The following ZHX2 variants were observed in gnomAD, a reference collection of about 807,000 sequenced individuals.
ZHX2 encodes zinc fingers and homeoboxes 2.
A neutral mutation model predicts 21.9 loss-of-function variants in ZHX2; 6 were observed. The ratio of observed to expected loss-of-function variants is 0.27; its 90% confidence interval spans 0.15 to 0.54. The LOEUF (loss-of-function observed/expected upper bound fraction) is 0.54. Among genes scored for constraint, ZHX2 ranks in the 20% least tolerant of loss-of-function variants. The pLI is 0.95. For missense variants in ZHX2, 908 were observed against 1,090.7 expected, an observed-to-expected ratio of 0.83 and a Z score of 2.36; for synonymous variants, 434 against 437.1, an observed-to-expected ratio of 0.99 and a Z score of 0.09.
chr8:122,858,335 CG>C (rs1819079075), intron 1 of ZHX2, among the ~76,000 whole-genome samples: 2 of 152,338 alleles, frequency 1.3e-5, no homozygotes, highest in Admixed American at 1.3e-4. Context: ...GGATAAACTT[CG>C]TAAGAGGGAG....
At chr8:122,819,923 G>A (rs555945096) in intron 1 of ZHX2, among the ~76,000 whole-genome samples, 7 of 152,214 alleles carry the variant, frequency 4.6e-5, no homozygotes, top group East Asian at 1.9e-4. Context: ...CCACACCCTC[G>A]CCTTGGCTGG....
intron 1 of ZHX2, among the ~76,000 whole-genome samples, chr8:122,789,354 T>C (rs1051728140): frequency 1.3e-5 from 2 of 152,198 alleles, no homozygotes; most frequent in African/African-American, 4.8e-5. Context: ...TGAATTGCTC[T>C]AAGGACAAAG....
chr8:122,911,041 A>G (rs2130006740), intron 2 of ZHX2, among the ~76,000 whole-genome samples: 1 of 152,334 alleles, frequency 6.6e-6, no homozygotes, highest in Middle Eastern at 3.4e-3. Flanking sequence ...GAGGTGTTGT[A>G]ATACACCCTG....
chr8:122,883,417 G>A (rs181496269), intron 2 of ZHX2, among the ~76,000 whole-genome samples: 34 of 152,318 alleles, frequency 2.2e-4, no homozygotes, highest in Non-Finnish European at 3.8e-4. Context: ...AACAAAGGCT[G>A]CAAATGCATT....
At chr8:122,894,737 G>GTA (rs1170182417) in intron 2 of ZHX2, among the ~76,000 whole-genome samples, 2 of 152,032 alleles carry the variant, frequency 1.3e-5, no homozygotes, top group Non-Finnish European at 2.9e-5. Flanking sequence ...CATGGCACAT[G>GTA]TATATATATG....
At chr8:122,957,656 A>C (rs1813343079) in intron 3 of ZHX2, among the ~76,000 whole-genome samples, 1 of 152,112 alleles carries the variant, frequency 6.6e-6, no homozygotes, top group Non-Finnish European at 1.5e-5. Context: ...TTTTTAGTAG[A>C]GGTGGGGTTT....
chr8:122,914,546 G>A (rs1199067394), intron 2 of ZHX2, among the ~76,000 whole-genome samples: 1 of 152,138 alleles, frequency 6.6e-6, no homozygotes, highest in African/African-American at 2.4e-5. Context: ...CCTGTCCCTG[G>A]TTCCCAAGAC....
intron 2 of ZHX2, among the ~76,000 whole-genome samples, chr8:122,932,302 A>G (rs1821013252): frequency 9.1e-6 from 1 of 109,622 alleles, no homozygotes; most frequent in Admixed American, 1.0e-4. Context: ...CTAAAGCACC[A>G]CAAGTTTATT....
chr8:122,879,382 T>C (rs984834579), intron 2 of ZHX2, among the ~76,000 whole-genome samples: 68 of 152,004 alleles, frequency 4.5e-4, no homozygotes, highest in Non-Finnish European at 8.7e-4. Context: ...AACTTTTGTA[T>C]TTTTAGTAGA....
chr8:122,829,625 T>C (rs574219346), intron 1 of ZHX2, among the ~76,000 whole-genome samples: 1 of 152,336 alleles, frequency 6.6e-6, no homozygotes, highest in African/African-American at 2.4e-5. Context: ...ACATGAAAGA[T>C]TGGTCCCACC....
At chr8:122,872,269 A>T (rs914121839) in intron 2 of ZHX2, among the ~76,000 whole-genome samples, 1 of 152,188 alleles carries the variant, frequency 6.6e-6, no homozygotes, top group Non-Finnish European at 1.5e-5. Flanking sequence ...AAGATGCAGG[A>T]TCCAAAGCGG....
At chr8:122,956,236 G>T (rs933121810) in intron 3 of ZHX2, among the ~76,000 whole-genome samples, 2 of 152,186 alleles carry the variant, frequency 1.3e-5, no homozygotes, top group African/African-American at 4.8e-5. Flanking sequence ...ATAGGGTTCA[G>T]TTCCATTCAA....
At chr8:122,968,211 A>G (rs1813631177) in intron 3 of ZHX2, among the ~76,000 whole-genome samples, 1 of 152,096 alleles carries the variant, frequency 6.6e-6, no homozygotes, top group South Asian at 2.1e-4. Flanking sequence ...GCCAATATGC[A>G]CTGATAGGCC....
intron 1 of ZHX2, among the ~76,000 whole-genome samples, chr8:122,852,905 A>C (rs1818936334): frequency 6.6e-6 from 1 of 152,134 alleles, no homozygotes; most frequent in African/African-American, 2.4e-5. Flanking sequence ...GTGTGGGCAA[A>C]GGAAAATGAA....
chr8:122,808,447 G>A (rs912662544), intron 1 of ZHX2, among the ~76,000 whole-genome samples: 8 of 152,238 alleles, frequency 5.3e-5, no homozygotes, highest in Admixed American at 3.3e-4. Flanking sequence ...AGGGGGAAAA[G>A]CCCCTTATAA....
intron 2 of ZHX2, among the ~76,000 whole-genome samples, chr8:122,888,589 T>G (rs1819902819): frequency 6.6e-6 from 1 of 152,148 alleles, no homozygotes. Flanking sequence ...TCAAAACGAT[T>G]CTCCTGCCTC....
Position 122,953,428 on chromosome 8 carries a change from G to C in ZHX2, c.1918G>C (p.Val640Leu). 1.2e-6 allele frequency: 2 copies of C among 1,614,182 alleles called. No homozygotes were observed. The highest frequency in any genetic ancestry group is 1.7e-6 in the Non-Finnish European group (2 of 1,180,050). Residue 640 changes from valine to leucine, a missense_variant, in exon 3 of 4, where the codon GTT becomes CTT. Val to Leu is a conservative substitution (Grantham distance 32, BLOSUM62 1). Coordinates refer to ENST00000314393, the MANE Select transcript of ZHX2 (RefSeq NM_014943.5). The surrounding 1 kb of genome is among the most constrained non-coding windows in gnomAD (Gnocchi z 4.6). The stretch of plus-strand genomic sequence containing the variant: ...AGCAATTGCAAAAAGTCAAGAACAG[G>C]TTCATCTCCTGAGGAGCACGTTTGC... Reference protein sequence around the residue: ...SPAIAKSQEQVHLLRSTFART... With the variant: ...SPAIAKSQEQLHLLRSTFART...
At position 122,951,875 on chromosome 8, in the gene ZHX2, A is replaced by G. The variant is rs941925935; in HGVS notation, c.365A>G (p.Tyr122Cys). ...CAECNFTTKK[Y>C]DSLSDHNSKF... is the part of the protein sequence containing the mutation. ...GAATGTAACTTCACAACCAAAAAGT[A>G]CGACTCCCTATCCGACCACAACTCC... is the stretch of plus-strand genomic sequence containing the variant. Residue 122 changes from tyrosine (Y) to cysteine (C), a missense_variant, in exon 3 of 4, where the codon TAC becomes TGC. Physicochemically the swap from Tyr to Cys is radical, Grantham distance 194. Transcript: ENST00000314393. 1.2e-6 allele frequency: 2 copies of G among 1,613,982 alleles called. No homozygotes were observed. The highest frequency in any genetic ancestry group is 1.7e-6 in the Non-Finnish European group (2 of 1,180,036).
At chr8:122,812,252 T>A (rs1175943472) in intron 1 of ZHX2, among the ~76,000 whole-genome samples, 1 of 152,132 alleles carries the variant, frequency 6.6e-6, no homozygotes, top group African/African-American at 2.4e-5. Flanking sequence ...ATTCTGGAGA[T>A]GTGGGAGCCA....
Sources: gnomAD v4.1 joint callset for allele counts (sites outside exome capture counted in the v4.1 genomes callset) on GRCh38, gnomAD v4.1.1 for gene constraint, Gnocchi (gnomAD v3.1) non-coding constraint, MANE v1.5 for transcripts, NCBI Gene and HGNC (gene_info 2026-07-23, HGNC 2026-07-21) for gene names.